MYT1L: variants seen among roughly 807,000 people sequenced by gnomAD.
The protein encoded by MYT1L is myelin transcription factor 1-like protein.
In MYT1L, 12 loss-of-function variants were observed where a neutral mutation model predicts 126.7. The ratio of observed to expected loss-of-function variants is 0.09; its 90% CI spans 0.06 to 0.15. MYT1L has a LOEUF of 0.15. Among genes scored for constraint, MYT1L ranks in the 10% least tolerant of loss-of-function variants. MYT1L has a pLI of 1.00. For missense variants in MYT1L, 979 were observed against 1,585.2 expected (o/e 0.62, Z 6.49); for synonymous variants, 541 against 604.2 (o/e 0.90, Z 1.53).
intron 18 of MYT1L, among the ~76,000 whole-genome samples, chr2:1,865,584 G>GT (rs1046528385): frequency 5.4e-4 from 82 of 151,802 alleles, no homozygotes; most frequent in African/African-American, 1.8e-3. Flanking sequence ...CCCCCTCCTT[G>GT]TTTTTTTTCT....
intron 3 of MYT1L, among the ~76,000 whole-genome samples, chr2:2,105,926 A>G (rs1288052868): frequency 6.6e-6 from 1 of 152,230 alleles, no homozygotes; most frequent in Non-Finnish European, 1.5e-5. Flanking sequence ...TGTGTGATGC[A>G]TTTTTATTCC....
In MYT1L at chr2:1,840,911, T is replaced by C. The variant is rs970550772; in HGVS notation, c.2775-68A>G. Reference sequence around the variant, plus strand: ...TTTCAGTGAGCTTTCTTTCTTTTTTTTTTTTTTTTTGAGACAGAGTCTCAC... The same window carrying C: ...TTTCAGTGAGCTTTCTTTCTTTTTTCTTTTTTTTTTGAGACAGAGTCTCAC... On this transcript the variant is annotated intron_variant, in intron 19 of 24. Transcript: ENST00000647738. 7.2e-5 allele frequency: 82 copies of C among 1,131,392 alleles called. 3 individuals carry two copies. In the African/African-American group the frequency reaches 1.3e-3, roughly 18 times the overall value. The allele number at this position is 1,131,392 out of a possible 1,614,324, so 70.1% of individuals were successfully genotyped here. A position where few individuals can be genotyped will look rare whatever the true frequency, so the allele number is the denominator to read the frequency against.
At chr2:2,036,833 T>C (rs2149976715) in intron 4 of MYT1L, among the ~76,000 whole-genome samples, 1 of 152,304 alleles carries the variant, frequency 6.6e-6, no homozygotes, top group African/African-American at 2.4e-5. Flanking sequence ...TGGCAGCCTT[T>C]TGTTTTGCAG....
At chr2:2,077,753 A>G (rs1230129889) in intron 3 of MYT1L, among the ~76,000 whole-genome samples, 1 of 152,208 alleles carries the variant, frequency 6.6e-6, no homozygotes, top group Non-Finnish European at 1.5e-5. Context: ...ATATTAAAAC[A>G]TTCCAAGATA....
intron 1 of MYT1L, among the ~76,000 whole-genome samples, chr2:2,295,595 G>GAGAGAGAGAGAGACAGACAGAC (rs1559583703): frequency 2.5e-5 from 2 of 79,318 alleles, no homozygotes; most frequent in Non-Finnish European, 5.7e-5. Flanking sequence ...CAGACAGACA[G>GAGAGAGAGAGAGACAGACAGAC]AGAGAGAGAC....
At chr2:2,178,006 C>A (rs2091013959) in intron 2 of MYT1L, among the ~76,000 whole-genome samples, 1 of 152,152 alleles carries the variant, frequency 6.6e-6, no homozygotes, top group Non-Finnish European at 1.5e-5. Context: ...GAAAAACTTT[C>A]ACTTTTTACT....
chr2:2,157,923 C>T (rs1212160668), intron 3 of MYT1L, among the ~76,000 whole-genome samples: 1 of 152,142 alleles, frequency 6.6e-6, no homozygotes, highest in Admixed American at 6.5e-5. Flanking sequence ...CAGAGCCAGA[C>T]TCTGTGGAGG....
At chr2:1,812,824 C>T (rs973990049) in intron 21 of MYT1L, among the ~76,000 whole-genome samples, 30 of 145,536 alleles carry the variant, frequency 2.1e-4, no homozygotes, top group Non-Finnish European at 2.8e-4. Context: ...TGCAGTGAGC[C>T]GAGATCGCAC....
At chr2:2,308,474 C>G (rs142832444) in intron 1 of MYT1L, among the ~76,000 whole-genome samples, 682 of 151,924 alleles carry the variant, frequency 4.5e-3, no homozygotes, top group Non-Finnish European at 8.0e-3. Context: ...TTGATATACT[C>G]TATCTATACT....
In MYT1L at chr2:2,228,576, CTTGAG is replaced by C. The variant is rs2094078771; in HGVS notation, c.-420-55593_-420-55589del. Among the ~76,000 whole-genome samples the C allele has an allele frequency of 6.6e-6, 1 of 151,898 alleles. No individual in the cohort carries two copies. Among genetic ancestry groups the C allele is most frequent in the Admixed American group, 6.6e-5 (1 of 15,256 alleles). On this transcript the variant is annotated intron_variant, in intron 2 of 24. Coordinates refer to ENST00000647738, the MANE Select transcript of MYT1L (RefSeq NM_001303052.2). This position sits in a 1 kb window ranked among gnomAD's most constrained non-coding sequence, Gnocchi z 5.9. Reference sequence around the variant, plus strand: ...TATAGAAAAAGTATTTATATAAATTCTTGAGTTGAAAGATTAAAAGCAAAAATTTT... The same window carrying C: ...TATAGAAAAAGTATTTATATAAATTCTTGAAAGATTAAAAGCAAAAATTTT...
intron 2 of MYT1L, among the ~76,000 whole-genome samples, chr2:2,223,187 T>C (rs1362798619): frequency 6.6e-6 from 1 of 152,190 alleles, no homozygotes; most frequent in East Asian, 1.9e-4. Context: ...GTGAGTCATG[T>C]CTGAAAATCA....
At chr2:2,000,825 A>G (rs2062294307) in intron 4 of MYT1L, among the ~76,000 whole-genome samples, 2 of 152,192 alleles carry the variant, frequency 1.3e-5, no homozygotes, top group African/African-American at 4.8e-5. Context: ...GATCTCACCC[A>G]AGATTGCAAA....
chr2:1,844,939 C>T (rs1009595971), intron 19 of MYT1L, among the ~76,000 whole-genome samples: 4 of 151,536 alleles, frequency 2.6e-5, no homozygotes, highest in South Asian at 4.2e-4. Context: ...TCAGGGCTCA[C>T]ATCCACAGTT....
At chr2:2,049,813 G>C (rs1197240737) in intron 4 of MYT1L, among the ~76,000 whole-genome samples, 1 of 152,176 alleles carries the variant, frequency 6.6e-6, no homozygotes, top group Non-Finnish European at 1.5e-5. Flanking sequence ...TTAAGACATG[G>C]CTTTCGCCTT....
intron 3 of MYT1L, among the ~76,000 whole-genome samples, chr2:2,082,132 C>T (rs1553464849): frequency 5.9e-5 from 9 of 152,112 alleles, no homozygotes; most frequent in Non-Finnish European, 1.2e-4. Context: ...AAAGGATCTA[C>T]CACTATCTAC....
intron 22 of MYT1L, among the ~76,000 whole-genome samples, chr2:1,807,105 T>TGACAGGAGCAGCCTGGGA (rs1364829225): frequency 5.5e-4 from 84 of 152,306 alleles, no homozygotes; most frequent in African/African-American, 1.8e-3. Flanking sequence ...AGGCAGAAAC[T>TGACAGGAGCAGCCTGGGA]GACAGGAGCA....
chr2:2,286,217 G>A (rs766562129), intron 1 of MYT1L, among the ~76,000 whole-genome samples: 1 of 152,068 alleles, frequency 6.6e-6, no homozygotes, highest in East Asian at 1.9e-4. Flanking sequence ...TCCTGACCTC[G>A]TGATCCACCG....
At chr2:2,319,836 T>A (rs774147299) in intron 1 of MYT1L, among the ~76,000 whole-genome samples, 1 of 152,058 alleles carries the variant, frequency 6.6e-6, no homozygotes, top group Non-Finnish European at 1.5e-5. Flanking sequence ...CAGAAATTTG[T>A]TACTCAGTTC....
chr2:1,901,948 C>T (rs1456425309), intron 14 of MYT1L, among the ~76,000 whole-genome samples: 1 of 152,260 alleles, frequency 6.6e-6, no homozygotes, highest in African/African-American at 2.4e-5. Flanking sequence ...GCATGAACCA[C>T]TGCAGCCAGC....
Sources: gnomAD v4.1 joint callset for allele counts (sites outside exome capture counted in the v4.1 genomes callset) on GRCh38, gnomAD v4.1.1 for gene constraint, Gnocchi (gnomAD v3.1) non-coding constraint, MANE v1.5 for transcripts, NCBI Gene and HGNC (gene_info 2026-07-23, HGNC 2026-07-21) for gene names.